The following NADSYN1 variants were observed in gnomAD, a reference collection of about 807,000 sequenced individuals.
NADSYN1 encodes the protein glutamine-dependent NAD(+) synthetase.
A neutral mutation model predicts 99.3 loss-of-function variants in NADSYN1; 80 were observed. That is an observed-to-expected ratio of 0.81 (90% CI 0.67 to 0.97). NADSYN1 has a LOEUF of 0.97. Ranked by LOEUF, NADSYN1 falls within the 50% of genes least tolerant of loss-of-function variation. NADSYN1 has a pLI of 0.00. For synonymous variants in NADSYN1, 385 were observed against 372.1 expected, an observed-to-expected ratio of 1.03 and a Z score of -0.40; for missense variants, 859 against 948.5, an observed-to-expected ratio of 0.91 and a Z score of 1.24.
intron 8 of NADSYN1, among the ~76,000 whole-genome samples, chr11:71,473,970 G>A (rs1949646989): frequency 6.6e-6 from 1 of 152,214 alleles, no homozygotes; most frequent in Non-Finnish European, 1.5e-5. Flanking sequence ...TGAGGCGTAG[G>A]GAACACCCGT....
chr11:71,484,546 C>T, intron 15 of NADSYN1, 99 bp downstream of exon 15: 1 of 1,455,264 alleles, frequency 6.9e-7, no homozygotes, highest in Non-Finnish European at 9.1e-7. Flanking sequence ...GGGCCATCGT[C>T]TCCATGAAGC....
At chr11:71,467,052 G>A (rs1254372197) in intron 5 of NADSYN1, among the ~76,000 whole-genome samples, 1 of 152,214 alleles carries the variant, frequency 6.6e-6, no homozygotes, top group African/African-American at 2.4e-5. Context: ...AACCGTGACT[G>A]AGACATAAGT....
chr11:71,497,366 G>T lies in NADSYN1; in HGVS notation c.1765-117G>T, dbSNP rs1476375007. 3.0e-6 allele frequency: 4 copies of T among 1,349,222 alleles called. No homozygotes were observed. In the Admixed American group the frequency reaches 8.1e-5, roughly 27 times the overall value. The allele number at this position is 1,349,222 out of a possible 1,614,324, so 83.6% of individuals were successfully genotyped here. ...GGGAGTAAAGCCCACCTCTGCTCCT[G>T]CCTCTCTGGGAAAGTATTGCCTCCT... On this transcript the variant is annotated intron_variant, in intron 18 of 20. Transcript: ENST00000319023.
chr11:71,495,040 T>C (rs1949810256), intron 18 of NADSYN1, among the ~76,000 whole-genome samples: 1 of 152,224 alleles, frequency 6.6e-6, no homozygotes, highest in East Asian at 1.9e-4. Flanking sequence ...CCCTCTGATC[T>C]CTGTCATTTC....
At chr11:71,483,079 G>A (rs558003044) in intron 14 of NADSYN1, 62 bp downstream of exon 14, 5 of 1,594,490 alleles carry the variant, frequency 3.1e-6, no homozygotes, top group Non-Finnish European at 2.6e-6. Context: ...GTCACTGGAA[G>A]CTCCGCCTGT....
At chr11:71,492,390 C>A (rs10898203) in intron 18 of NADSYN1, among the ~76,000 whole-genome samples, 2 of 151,916 alleles carry the variant, frequency 1.3e-5, no homozygotes, top group Non-Finnish European at 2.9e-5. Context: ...TTCTTCCAAG[C>A]GTTTTCTAGT....
At chr11:71,466,975 G>C (rs75105725) in intron 5 of NADSYN1, among the ~76,000 whole-genome samples, 100 of 152,172 alleles carry the variant, frequency 6.6e-4, no homozygotes, top group African/African-American at 2.3e-3. Context: ...ACTGGAGGTG[G>C]GGGGGTGGGC....
At chr11:71,470,899 T>C (rs1425288955) in intron 5 of NADSYN1, among the ~76,000 whole-genome samples, 1 of 152,134 alleles carries the variant, frequency 6.6e-6, no homozygotes, top group East Asian at 1.9e-4. Flanking sequence ...TTTATTTGTA[T>C]TTTTTTTCTG....
chr11:71,478,034 T>TGTGTCTTACTGACATGGGG (rs1196489112), intron 9 of NADSYN1, among the ~76,000 whole-genome samples: 2 of 151,756 alleles, frequency 1.3e-5, no homozygotes, highest in Non-Finnish European at 2.9e-5. Flanking sequence ...CTGACAGGGG[T>TGTGTCTTACTGACATGGGG]GTGTCTTACT....
Position 71,463,411 on chromosome 11 carries a change from T to G in NADSYN1, c.264-21T>G, listed in dbSNP as rs756458446. Reference sequence around the variant, plus strand: ...TTTCATAACCGGGCAGACACACATGTACCTCCCCTCTCTCCTGCAGGCCTG... The same window carrying G: ...TTTCATAACCGGGCAGACACACATGGACCTCCCCTCTCTCCTGCAGGCCTG... On this transcript the variant is annotated intron_variant, in intron 3 of 20. Transcript: ENST00000319023. The G allele has an allele frequency of 1.7e-5, 27 of 1,611,426 alleles. No homozygotes were observed. The South Asian group carries it at 3.0e-4, about 18-fold the overall frequency.
intron 3 of NADSYN1, chr11:71,460,342 T>TG (rs1342393622): frequency 6.6e-6 from 1 of 152,244 alleles, no homozygotes; most frequent in Non-Finnish European, 1.5e-5. Flanking sequence ...TTTTCTTTTT[T>TG]TTGTTTGTTT....
rs1591130825 is a variant in NADSYN1, at chr11:71,481,020, G to T, written c.998+141G>T. Reference sequence around the variant, plus strand: ...CAGAAGGCAACTGTGCATCCCCTGGGTTGAGGGCGTGGATGCTAGAGCCAG... The same window carrying T: ...CAGAAGGCAACTGTGCATCCCCTGGTTTGAGGGCGTGGATGCTAGAGCCAG... On this transcript the variant is annotated intron_variant, in intron 11 of 20. Coordinates refer to ENST00000319023, the MANE Select transcript of NADSYN1 (RefSeq NM_018161.5). 2.6e-6 allele frequency: 3 copies of T among 1,158,572 alleles called. No individual in the cohort carries two copies. The East Asian group carries it at 7.7e-5, about 30-fold the overall frequency. 71.8% of individuals were successfully genotyped at this position (1,158,572 alleles called of 1,614,324 possible). A position where few individuals can be genotyped will look rare whatever the true frequency, so the allele number is the denominator to read the frequency against.
At position 71,458,520 on chromosome 11, in the gene NADSYN1, A is replaced by G. The variant is rs777964758; in HGVS notation, c.239A>G (p.Gln80Arg). 3 of 1,611,866 alleles carry G rather than the reference A, an allele frequency of 1.9e-6. No individual in the cohort carries two copies. The highest frequency in any genetic ancestry group is 2.5e-6 in the Non-Finnish European group (3 of 1,177,896). Residue 80 changes from glutamine to arginine, a missense_variant, in exon 3 of 21, where the codon CAG becomes CGG. Physicochemically the swap from Gln to Arg is conservative, Grantham distance 43 (BLOSUM62 1). Transcript: ENST00000319023. ...LAALVESPVT[Q>R]DIICDVGMPV... ...GCCCTTGTGGAGTCTCCCGTCACTC[A>G]GGACATCATCTGCGACGTGGGGATG...
chr11:71,494,269 C>T (rs1211109814), intron 18 of NADSYN1, among the ~76,000 whole-genome samples: 1 of 152,050 alleles, frequency 6.6e-6, no homozygotes, highest in African/African-American at 2.4e-5. Flanking sequence ...GTATTTTTAT[C>T]GTCCCTTTTC....
chr11:71,483,987 G>A (rs113215131), intron 14 of NADSYN1, among the ~76,000 whole-genome samples: 17 of 152,136 alleles, frequency 1.1e-4, no homozygotes, highest in African/African-American at 3.1e-4. Context: ...CCATTTCCAC[G>A]CAATGTCCAG....
chr11:71,474,380 G>T lies in NADSYN1; in HGVS notation c.667-15G>T, dbSNP rs1232786899. On this transcript the variant is annotated splice_polypyrimidine_tract_variant and intron_variant, in intron 8 of 20. Coordinates refer to ENST00000319023, the MANE Select transcript of NADSYN1 (RefSeq NM_018161.5). Reference sequence around the variant, plus strand: ...ACACAGCTGACCACTCCGCTATGGGGTCCTCCTTTTTCAGAACGGTGGGAT... The same window carrying T: ...ACACAGCTGACCACTCCGCTATGGGTTCCTCCTTTTTCAGAACGGTGGGAT... 1 of 1,613,934 alleles carries T rather than the reference G, an allele frequency of 6.2e-7. No homozygotes were observed. Among genetic ancestry groups the T allele is most frequent in the South Asian group, 1.1e-5 (1 of 91,092 alleles).
chr11:71,476,131 G>A (rs999233398), intron 9 of NADSYN1: 4 of 456,174 alleles, frequency 8.8e-6, no homozygotes, highest in Admixed American at 2.3e-5. Flanking sequence ...CCAAGCCGGC[G>A]TGGGTGGGAG....
chr11:71,498,300 G>A (rs776957322), intron 19 of NADSYN1, 52 bp from the exon 20 acceptor site: 33 of 1,599,190 alleles, frequency 2.1e-5, no homozygotes, highest in African/African-American at 4.0e-5. Context: ...ATTCCGGCCT[G>A]GGGTCTCTCC....
At chr11:71,482,784 T>C (rs1379673699) in intron 13 of NADSYN1, 65 bp from the exon 14 acceptor site, 1 of 1,562,752 alleles carries the variant, frequency 6.4e-7, no homozygotes, top group Non-Finnish European at 8.7e-7. Context: ...TAGACCGGGG[T>C]GGAACTATGT....
Sources: allele counts gnomAD v4.1 joint callset (sites outside exome capture counted in the v4.1 genomes callset), GRCh38; gene constraint gnomAD v4.1.1; transcripts MANE v1.5; gene names NCBI Gene and HGNC (gene_info 2026-07-23, HGNC 2026-07-21).